Variants in PYHIN1 observed in about 807,000 individuals in gnomAD.
The protein encoded by PYHIN1 is pyrin and HIN domain family member 1.
In PYHIN1, 32 loss-of-function variants were observed where a neutral mutation model predicts 43.7. That is an observed-to-expected ratio of 0.73 (90% confidence interval 0.55 to 0.98). PYHIN1 has a LOEUF of 0.98. Ranked by LOEUF, PYHIN1 falls within the 50% of genes least tolerant of loss-of-function variation. The pLI is 0.00. For missense variants in PYHIN1, 588 were observed against 589.5 expected (o/e 1.00, Z 0.03); for synonymous variants, 205 against 203.1 (o/e 1.01, Z -0.08).
chr1:158,950,703 G>A (rs906734733), intron 7 of PYHIN1, among the ~76,000 whole-genome samples: 1 of 152,176 alleles, frequency 6.6e-6, no homozygotes, highest in Non-Finnish European at 1.5e-5. Context: ...TGTGCCAATA[G>A]CGTGGCAGGG....
intron 7 of PYHIN1, among the ~76,000 whole-genome samples, chr1:158,953,081 G>A (rs1269438730): frequency 6.6e-6 from 1 of 152,208 alleles, no homozygotes; most frequent in Non-Finnish European, 1.5e-5. Flanking sequence ...ATTATATCCT[G>A]CACCTGGCTC....
At chr1:158,983,217 G>C in the PYHIN1 span, among the ~76,000 whole-genome samples, 1 of 151,908 alleles carries the variant, frequency 6.6e-6, no homozygotes. Context: ...ACTTTGTCTT[G>C]TTCTGGTTCT....
intron 1 of PYHIN1, among the ~76,000 whole-genome samples, chr1:158,934,337 C>T (rs1557820199): frequency 1.3e-5 from 2 of 152,186 alleles, no homozygotes; most frequent in African/African-American, 2.4e-5. Flanking sequence ...TTGTCATACT[C>T]ACAAAACAAA....
At position 158,933,596 on chromosome 1, in the gene PYHIN1, T is replaced by C. The variant is rs1648304769; in HGVS notation, c.-21+1820T>C. On this transcript the variant is annotated intron_variant, in intron 1 of 8. Coordinates refer to ENST00000368140, the MANE Select transcript of PYHIN1 (RefSeq NM_152501.5). This position sits in a 1 kb window ranked among gnomAD's most constrained non-coding sequence, Gnocchi z 6.3. Reference sequence around the variant, plus strand: ...AATTTGATAAAAGTTGTCATTTAACTAGTTAACCTCTTTATGTATAGGCTA... The same window carrying C: ...AATTTGATAAAAGTTGTCATTTAACCAGTTAACCTCTTTATGTATAGGCTA... Among the ~76,000 whole-genome samples the C allele has an allele frequency of 6.6e-6, 1 of 152,114 alleles. No homozygotes were observed. The highest frequency in any genetic ancestry group is 2.4e-5 in the African/African-American group (1 of 41,470).
intron 7 of PYHIN1, among the ~76,000 whole-genome samples, chr1:158,951,669 A>G (rs1008172736): frequency 5.3e-5 from 8 of 152,214 alleles, no homozygotes; most frequent in Non-Finnish European, 1.2e-4. Context: ...AACATTTACT[A>G]GACTTTTTGG....
At chr1:158,936,060 T>C (rs1426774460) in intron 1 of PYHIN1, among the ~76,000 whole-genome samples, 1 of 151,654 alleles carries the variant, frequency 6.6e-6, no homozygotes, top group Non-Finnish European at 1.5e-5. Context: ...CTCTTTCTTT[T>C]ATTATTATTA....
intron 4 of PYHIN1, among the ~76,000 whole-genome samples, chr1:158,941,698 A>G (rs1302945926): frequency 3.3e-5 from 5 of 152,316 alleles, no homozygotes; most frequent in Middle Eastern, 3.4e-3. Context: ...ATTCATGATG[A>G]TTGGCTCAGC....
At position 158,946,975 on chromosome 1, in the gene PYHIN1, A is replaced by C. The variant is rs968037756; in HGVS notation, c.1359+1933A>C. Reference sequence around the variant, plus strand: ...AGTGAGCCTCAGCAAACTGCAGTGAAGAACTCATTTCCATATGGGTTCCAG... The same window carrying C: ...AGTGAGCCTCAGCAAACTGCAGTGACGAACTCATTTCCATATGGGTTCCAG... On this transcript the variant is annotated intron_variant, in intron 7 of 8. Coordinates refer to ENST00000368140, the MANE Select transcript of PYHIN1 (RefSeq NM_152501.5). Among the ~76,000 whole-genome samples the C allele has an allele frequency of 6.6e-5, 10 of 152,158 alleles. No homozygotes were observed. In the East Asian group the frequency reaches 1.9e-3, roughly 29 times the overall value.
chr1:158,934,670 A>G (rs372094512), intron 1 of PYHIN1, among the ~76,000 whole-genome samples: 4 of 152,304 alleles, frequency 2.6e-5, no homozygotes, highest in Admixed American at 2.6e-4. Context: ...TAAATATCTA[A>G]ATTACACAAG....
intron 7 of PYHIN1, among the ~76,000 whole-genome samples, chr1:158,946,159 A>T (rs1354284441): frequency 6.6e-6 from 1 of 152,224 alleles, no homozygotes; most frequent in Non-Finnish European, 1.5e-5. Context: ...TCTCAAAAAT[A>T]ATGAGGTACC....
chr1:158,981,749 G>T (rs923315768), downstream of PYHIN1, among the ~76,000 whole-genome samples: 1 of 151,892 alleles, frequency 6.6e-6, no homozygotes, highest in Non-Finnish European at 1.5e-5. Flanking sequence ...CATATAATTG[G>T]CATTTCCACC....
At chr1:158,983,317 T>C in the PYHIN1 span, among the ~76,000 whole-genome samples, 1 of 152,036 alleles carries the variant, frequency 6.6e-6, no homozygotes, top group Non-Finnish European at 1.5e-5. Flanking sequence ...TATGTTCCTT[T>C]GATACCTAGT....
chr1:158,990,373 C>CT, the PYHIN1 span, among the ~76,000 whole-genome samples: 3 of 150,524 alleles, frequency 2.0e-5, no homozygotes, highest in African/African-American at 4.9e-5. Context: ...TCTATTATTT[C>CT]TTTTTTTTTA....
intron 7 of PYHIN1, among the ~76,000 whole-genome samples, chr1:158,951,291 G>A (rs533323394): frequency 6.6e-6 from 1 of 152,236 alleles, no homozygotes; most frequent in African/African-American, 2.4e-5. Context: ...CAATGGGCCA[G>A]GCAGTGAGCT....
intron 8 of PYHIN1, among the ~76,000 whole-genome samples, chr1:158,974,422 A>G (rs959285396): frequency 6.6e-6 from 1 of 152,056 alleles, no homozygotes; most frequent in Non-Finnish European, 1.5e-5. Flanking sequence ...CAGTTTATAG[A>G]TTTCTTGTCC....
chr1:158,977,896 A>G (rs149133475), downstream of PYHIN1, among the ~76,000 whole-genome samples: 240 of 152,276 alleles, frequency 1.6e-3, no homozygotes, highest in African/African-American at 5.3e-3. Flanking sequence ...AAATTAAACA[A>G]TGAATAAGAC....
intron 7 of PYHIN1, among the ~76,000 whole-genome samples, chr1:158,949,863 T>C (rs989321914): frequency 2.6e-5 from 4 of 152,242 alleles, no homozygotes; most frequent in Admixed American, 2.0e-4. Flanking sequence ...ATTAATTGCA[T>C]TACCCAGTTT....
intron 7 of PYHIN1, among the ~76,000 whole-genome samples, chr1:158,964,207 T>C (rs1650488135): frequency 6.6e-6 from 1 of 152,148 alleles, no homozygotes; most frequent in African/African-American, 2.4e-5. Context: ...TGAAAAATCT[T>C]CTGAGAAAAA....
rs550943354 is a variant in PYHIN1, at chr1:158,937,372, C to T, written c.265+197C>T. On this transcript the variant is annotated intron_variant, in intron 2 of 8. Transcript: ENST00000368140. ...ATTACTAAAGTGGATTGACGTATATCGGAGTTGAGGTGCAGTAAAAGAACA... is the reference window on the plus strand; with the variant it reads ...ATTACTAAAGTGGATTGACGTATATTGGAGTTGAGGTGCAGTAAAAGAACA... Among the ~76,000 whole-genome samples, 3 of 152,050 alleles carry T rather than the reference C, an allele frequency of 2.0e-5. No homozygotes were observed. The East Asian group carries it at 5.8e-4, about 29-fold the overall frequency.
Sources: allele counts gnomAD v4.1 joint callset (sites outside exome capture counted in the v4.1 genomes callset), GRCh38; gene constraint gnomAD v4.1.1; non-coding constraint Gnocchi (gnomAD v3.1); transcripts MANE v1.5; gene names NCBI Gene and HGNC (gene_info 2026-07-23, HGNC 2026-07-21).